The following SRSF12 variants were observed in gnomAD, a reference collection of about 807,000 sequenced individuals.
The protein encoded by SRSF12 is serine and arginine rich splicing factor 12, also known as serine/arginine-rich splicing factor 12.
A neutral mutation model predicts 34.1 loss-of-function variants in SRSF12; 21 were observed. That is an observed-to-expected ratio of 0.62 (90% CI 0.44 to 0.89). The LOEUF (loss-of-function observed/expected upper bound fraction) is 0.89. Ranked by LOEUF, SRSF12 falls within the 40% of genes least tolerant of loss-of-function variation. The pLI, the probability that SRSF12 is intolerant of heterozygous loss-of-function variation, is 0.00. For synonymous variants in SRSF12, 111 were observed against 110.8 expected (o/e 1.00, Z -0.01); for missense variants, 278 against 327.8 (o/e 0.85, Z 1.17).
chr6:89,113,657 A>G (rs899796606), intron 1 of SRSF12, among the ~76,000 whole-genome samples: 1 of 151,870 alleles, frequency 6.6e-6, no homozygotes, highest in African/African-American at 2.4e-5. Flanking sequence ...CTATTTATTT[A>G]TTTATTTTTG....
chr6:89,102,437 G>T (rs981160553), intron 4 of SRSF12, among the ~76,000 whole-genome samples: 1 of 151,718 alleles, frequency 6.6e-6, no homozygotes, highest in Non-Finnish European at 1.5e-5. Flanking sequence ...GGCCTCTCTT[G>T]AATTTTTTAT....
At chr6:89,099,534 ACAT>A (rs1768439971) in intron 4 of SRSF12, among the ~76,000 whole-genome samples, 1 of 109,732 alleles carries the variant, frequency 9.1e-6, no homozygotes, top group African/African-American at 3.7e-5. Context: ...ACACACACAT[ACAT>A]GTTTTTTTTT....
chr6:89,108,521 C>T (rs1768896417), intron 1 of SRSF12, among the ~76,000 whole-genome samples: 1 of 152,198 alleles, frequency 6.6e-6, no homozygotes, highest in Non-Finnish European at 1.5e-5. Context: ...CACCCTACTG[C>T]TTCATGGTGC....
chr6:89,111,509 C>T (rs1226642409), intron 1 of SRSF12, among the ~76,000 whole-genome samples: 2 of 152,290 alleles, frequency 1.3e-5, no homozygotes, highest in East Asian at 3.9e-4. Flanking sequence ...CTTATATCCT[C>T]ATAACTTACT....
chr6:89,099,432 A>ATATATACACACATATATATGTGTG (rs1768416635), intron 4 of SRSF12, among the ~76,000 whole-genome samples: 2 of 100,264 alleles, frequency 2.0e-5, no homozygotes, highest in African/African-American at 6.8e-5. Context: ...ATATGTGTGT[A>ATATATACACACATATATATGTGTG]TATATATACA....
chr6:89,115,098 A>C (rs1769231178), intron 1 of SRSF12, among the ~76,000 whole-genome samples: 1 of 150,174 alleles, frequency 6.7e-6, no homozygotes, highest in South Asian at 2.1e-4. Flanking sequence ...GCCCGGCCAC[A>C]GCTTTTATTT....
intron 1 of SRSF12, among the ~76,000 whole-genome samples, chr6:89,114,019 G>A (rs553456764): frequency 6.6e-6 from 1 of 152,262 alleles, no homozygotes; most frequent in East Asian, 1.9e-4. Flanking sequence ...GTACTAAAAG[G>A]TTAATACAGA....
At chr6:89,102,950 C>T (rs1768604536) in intron 4 of SRSF12, among the ~76,000 whole-genome samples, 1 of 151,992 alleles carries the variant, frequency 6.6e-6, no homozygotes, top group South Asian at 2.1e-4. Context: ...TTTTTGTAGA[C>T]ATGGGGGTCT....
intron 4 of SRSF12, among the ~76,000 whole-genome samples, chr6:89,100,313 C>T (rs1768480665): frequency 6.6e-6 from 1 of 152,160 alleles, no homozygotes; most frequent in South Asian, 2.1e-4. Context: ...CATTAGGTAA[C>T]AACCCAGAAG....
At chr6:89,106,880 A>G (rs1768814073) in intron 2 of SRSF12, 2 of 475,912 alleles carry the variant, frequency 4.2e-6, no homozygotes, top group South Asian at 1.6e-5. Context: ...AGGTCTTTAT[A>G]TCTGTGTCCA....
At chr6:89,109,231 T>C (rs933847801) in intron 1 of SRSF12, among the ~76,000 whole-genome samples, 3 of 152,124 alleles carry the variant, frequency 2.0e-5, no homozygotes, top group Non-Finnish European at 4.4e-5. Context: ...GTGTTTTCCA[T>C]AGTGAGGCCC....
At chr6:89,100,411 A>C (rs2127990312) in intron 4 of SRSF12, among the ~76,000 whole-genome samples, 1 of 152,358 alleles carries the variant, frequency 6.6e-6, no homozygotes, top group Non-Finnish European at 1.5e-5. Flanking sequence ...ACCAAGCCTT[A>C]AGATCAAAGT....
rs978661673 is a variant in SRSF12 at position 89,098,288 on chromosome 6, A to G, written c.*290T>C. On this transcript the variant is annotated 3_prime_UTR_variant, in exon 5 of 5. Coordinates refer to ENST00000452027, the MANE Select transcript of SRSF12 (RefSeq NM_080743.5). The stretch of plus-strand genomic sequence containing the variant: ...TAATACTATGCAAGTAGAATTTTAA[A>G]AATTAGTTCCAGTTTACTCATTTCC... 1.1e-5 allele frequency: 3 copies of G among 262,804 alleles called. No individual in the cohort carries two copies. The highest frequency in any genetic ancestry group is 6.8e-5 in the African/African-American group (3 of 44,324). 16.3% of individuals were successfully genotyped at this position (262,804 alleles called of 1,614,324 possible).
In SRSF12 at chr6:89,097,814, T is replaced by G. The variant is rs972781615; in HGVS notation, c.*764A>C. ...ATATGATTTTATACAAAATGTACCA[T>G]TCTTCAAATGTGTAAGTCTTAATAT... On this transcript the variant is annotated 3_prime_UTR_variant, in exon 5 of 5. Coordinates refer to ENST00000452027, the MANE Select transcript of SRSF12 (RefSeq NM_080743.5). The G allele has an allele frequency of 1.3e-5, 2 of 152,240 alleles. No individual in the cohort carries two copies. The highest frequency in any genetic ancestry group is 4.8e-5 in the African/African-American group (2 of 41,468). The allele number at this position is 152,240 out of a possible 1,614,324, so 9.4% of individuals were successfully genotyped here. A position where few individuals can be genotyped will look rare whatever the true frequency, so the allele number is the denominator to read the frequency against.
chr6:89,103,578 G>A (rs756796247), intron 4 of SRSF12, among the ~76,000 whole-genome samples: 2 of 151,878 alleles, frequency 1.3e-5, no homozygotes, highest in Admixed American at 6.6e-5. Flanking sequence ...ATCCGCCCCC[G>A]CCCTGGCCTC....
At chr6:89,114,254 C>A (rs1769187942) in intron 1 of SRSF12, among the ~76,000 whole-genome samples, 1 of 152,044 alleles carries the variant, frequency 6.6e-6, no homozygotes, top group Non-Finnish European at 1.5e-5. Context: ...ATGATGAAAC[C>A]CCGTCTCTAC....
chr6:89,100,351 C>A (rs1228386011), intron 4 of SRSF12, among the ~76,000 whole-genome samples: 2 of 152,096 alleles, frequency 1.3e-5, no homozygotes, highest in Non-Finnish European at 2.9e-5. Flanking sequence ...AAGGGCCATG[C>A]CCTAGGAATA....
chr6:89,104,567 G>T (rs1768698129), intron 4 of SRSF12, among the ~76,000 whole-genome samples: 1 of 150,300 alleles, frequency 6.7e-6, no homozygotes, highest in African/African-American at 2.5e-5. Context: ...TTTTTTTTCT[G>T]CTCACTATAT....
intron 4 of SRSF12, among the ~76,000 whole-genome samples, chr6:89,099,301 T>C (rs1375645674): frequency 6.6e-6 from 1 of 151,490 alleles, no homozygotes; most frequent in Non-Finnish European, 1.5e-5. Flanking sequence ...ATAATGCTTA[T>C]AAAAATAAAA....
Sources: gnomAD v4.1 joint callset for allele counts (sites outside exome capture counted in the v4.1 genomes callset) on GRCh38, gnomAD v4.1.1 for gene constraint, MANE v1.5 for transcripts, NCBI Gene and HGNC (gene_info 2026-07-23, HGNC 2026-07-21) for gene names.